IQSEC1: variants seen among roughly 807,000 people sequenced by gnomAD.
The protein encoded by IQSEC1 is IQ motif and SEC7 domain-containing protein 1.
In IQSEC1, 31 loss-of-function variants were observed where a neutral mutation model predicts 91.0. The ratio of observed to expected loss-of-function variants is 0.34; its 90% CI spans 0.26 to 0.46. The LOEUF (loss-of-function observed/expected upper bound fraction) is 0.46, where lower values mean the gene tolerates loss of function less well. Among genes scored for constraint, IQSEC1 ranks in the 20% least tolerant of loss-of-function variants. The pLI is 1.00. For synonymous variants in IQSEC1, 699 were observed against 662.6 expected (o/e 1.05, Z -0.84); for missense variants, 1,388 against 1,575.6 (o/e 0.88, Z 2.02).
chr3:13,030,237 A>G (rs1016724968), intron 1 of IQSEC1, among the ~76,000 whole-genome samples: 1 of 152,160 alleles, frequency 6.6e-6, no homozygotes, highest in Non-Finnish European at 1.5e-5. Flanking sequence ...AGCTGGGATT[A>G]CGGGCATGCA....
In IQSEC1 at chr3:13,206,292, AACAC is replaced by A. The variant is rs574313377; in HGVS notation, c.273-42163_273-42160del. On this transcript the variant is annotated intron_variant, in intron 1 of 15. Transcript: ENST00000648114. Reference sequence around the variant, plus strand: ...ATTTCAGGCATCTACTAGGGGTTGAAACACATCCCCCTTGGATAAGGTGGGGTGG... The same window carrying A: ...ATTTCAGGCATCTACTAGGGGTTGAAATCCCCCTTGGATAAGGTGGGGTGG... Among the ~76,000 whole-genome samples the A allele has an allele frequency of 2.2e-4, 33 of 152,310 alleles. No individual in the cohort carries two copies. In the South Asian group the frequency reaches 6.8e-3, roughly 32 times the overall value.
chr3:13,151,752 G>T (rs1037704009), intron 2 of IQSEC1, among the ~76,000 whole-genome samples: 1 of 152,124 alleles, frequency 6.6e-6, no homozygotes. Flanking sequence ...GATCACCTGA[G>T]GTCAGGAGTT....
upstream of IQSEC1, among the ~76,000 whole-genome samples, chr3:13,078,040 C>T (rs9813525): frequency 0.31 from 47,400 of 152,048 alleles, 7,851 homozygotes; most frequent in East Asian, 0.53. Context: ...GCTGGGGCCG[C>T]GGATGAGTGA....
chr3:12,915,146 G>T lies in IQSEC1; in HGVS notation c.2161-13C>A. Reference sequence around the variant, plus strand: ...GCAGGGATCCGATCTGCGGGAGAATGTGAAACCAACAAAAGGGTGTTCATG... The same window carrying T: ...GCAGGGATCCGATCTGCGGGAGAATTTGAAACCAACAAAAGGGTGTTCATG... On this transcript the variant is annotated splice_polypyrimidine_tract_variant and intron_variant, in intron 7 of 13. Transcript: ENST00000613206. 1 of 1,607,526 alleles carries T rather than the reference G, an allele frequency of 6.2e-7. No individual in the cohort carries two copies. The highest frequency in any genetic ancestry group is 1.1e-5 in the South Asian group (1 of 90,046).
At chr3:12,946,194 C>G (rs1699166709) in intron 1 of IQSEC1, among the ~76,000 whole-genome samples, 1 of 152,230 alleles carries the variant, frequency 6.6e-6, no homozygotes, top group African/African-American at 2.4e-5. Context: ...TCCTATATCC[C>G]TGCCCCGACC....
Position 13,214,615 on chromosome 3 carries a change from G to C in IQSEC1, c.273-50482C>G, listed in dbSNP as rs185468801. Among the ~76,000 whole-genome samples the C allele has an allele frequency of 6.6e-5, 10 of 152,246 alleles. No homozygotes were observed. Among genetic ancestry groups the C allele is most frequent in the Admixed American group, 2.0e-4 (3 of 15,294 alleles). On this transcript the variant is annotated intron_variant, in intron 1 of 15. Transcript: ENST00000648114. The surrounding 1 kb of genome is among the most constrained non-coding windows in gnomAD (Gnocchi z 4.5). ...TAGCAGAAGCCTGTGAGGTGAGGAG[G>C]GGGCACCTCCAGGAATCCACCCTGG... is the stretch of plus-strand genomic sequence containing the variant.
intron 1 of IQSEC1, among the ~76,000 whole-genome samples, chr3:12,959,495 G>A (rs1386139829): frequency 6.6e-6 from 1 of 152,174 alleles, no homozygotes; most frequent in African/African-American, 2.4e-5. Flanking sequence ...GAGGAGTCAC[G>A]GGCCTAGCCT....
At chr3:13,262,240 A>G (rs1695402993) in intron 1 of IQSEC1, among the ~76,000 whole-genome samples, 1 of 152,184 alleles carries the variant, frequency 6.6e-6, no homozygotes, top group South Asian at 2.1e-4. Flanking sequence ...TGCGCTCAAC[A>G]CTTTCCTGTC....
chr3:13,148,464 A>G (rs888926976), intron 2 of IQSEC1, among the ~76,000 whole-genome samples: 2 of 152,260 alleles, frequency 1.3e-5, no homozygotes, highest in African/African-American at 2.4e-5. Flanking sequence ...GGGAGGGTCC[A>G]GAGGCCACGT....
chr3:12,902,719 G>A (rs1250541600), intron 13 of IQSEC1, 54 bp downstream of exon 13: 21 of 1,019,636 alleles, frequency 2.1e-5, no homozygotes, highest in Admixed American at 8.5e-5. Context: ...ATGAACTGAG[G>A]ACTGGGGAAG....
In IQSEC1 at chr3:13,103,351, C is replaced by G. The variant is rs190720620; in HGVS notation, c.303-55829G>C. Among the ~76,000 whole-genome samples, 1 of 152,084 alleles carries G rather than the reference C, an allele frequency of 6.6e-6. No individual in the cohort carries two copies. Among genetic ancestry groups the G allele is most frequent in the African/African-American group, 2.4e-5 (1 of 41,414 alleles). ...AATTAACCGCCCCCGCCAACACACC[C>G]GAGGCACCAATAGATCACCCTCTCC... On this transcript the variant is annotated intron_variant, in intron 2 of 15. Transcript: ENST00000648114. This position sits in a 1 kb window ranked among gnomAD's most constrained non-coding sequence, Gnocchi z 4.1.
chr3:13,199,800 G>A (rs1694205845), intron 1 of IQSEC1, among the ~76,000 whole-genome samples: 1 of 149,664 alleles, frequency 6.7e-6, no homozygotes, highest in Admixed American at 6.7e-5. Context: ...AATGCTGCCA[G>A]GACCCCTGCA....
At chr3:12,920,158 C>T (rs1017818598) in intron 6 of IQSEC1, among the ~76,000 whole-genome samples, 21 of 152,224 alleles carry the variant, frequency 1.4e-4, no homozygotes, top group African/African-American at 3.9e-4. Flanking sequence ...CAAGGACAAG[C>T]TAACAGTGTC....
At chr3:13,025,799 C>T (rs1435213495) in intron 1 of IQSEC1, among the ~76,000 whole-genome samples, 1 of 152,184 alleles carries the variant, frequency 6.6e-6, no homozygotes, top group African/African-American at 2.4e-5. Context: ...TCTCCTATTC[C>T]ACCCACTCTC....
chr3:13,052,059 C>CA (rs1704709947), intron 1 of IQSEC1, among the ~76,000 whole-genome samples: 1 of 152,214 alleles, frequency 6.6e-6, no homozygotes, highest in Admixed American at 6.5e-5. Context: ...CCACAGCCCA[C>CA]TGGGCCTATG....
Position 12,992,368 on chromosome 3 carries a change from C to A in IQSEC1, c.24-50503G>T, listed in dbSNP as rs1045936792. On this transcript the variant is annotated intron_variant, in intron 1 of 13. Transcript: ENST00000613206. This position sits in a 1 kb window ranked among gnomAD's most constrained non-coding sequence, Gnocchi z 4.1. ...GGTGGGGGGTGGGAGGAGATGGCAC[C>A]GCTAAGGCAATTTCTCTTCTTTCCC... Among the ~76,000 whole-genome samples the A allele has an allele frequency of 1.3e-5, 2 of 151,908 alleles. No homozygotes were observed. The highest frequency in any genetic ancestry group is 4.8e-5 in the African/African-American group (2 of 41,406).
At chr3:13,165,742 C>T (rs1693483091) in intron 1 of IQSEC1, among the ~76,000 whole-genome samples, 1 of 151,934 alleles carries the variant, frequency 6.6e-6, no homozygotes, top group Non-Finnish European at 1.5e-5. Flanking sequence ...TTCCACCCCT[C>T]GCTGCTGCAG....
chr3:13,273,542 T>G (rs1347490848), intron 1 of IQSEC1, among the ~76,000 whole-genome samples: 1 of 152,184 alleles, frequency 6.6e-6, no homozygotes, highest in Non-Finnish European at 1.5e-5. Flanking sequence ...CCATCTGAAC[T>G]GGCGATTGTT....
At chr3:13,163,157 C>A (rs532989610) in intron 2 of IQSEC1, among the ~76,000 whole-genome samples, 1 of 152,148 alleles carries the variant, frequency 6.6e-6, no homozygotes, top group African/African-American at 2.4e-5. Context: ...AGATTCAGCA[C>A]CCCCTGTGCT....
Sources: allele counts gnomAD v4.1 joint callset (sites outside exome capture counted in the v4.1 genomes callset), GRCh38; gene constraint gnomAD v4.1.1; non-coding constraint Gnocchi (gnomAD v3.1); transcripts MANE v1.5; gene names NCBI Gene and HGNC (gene_info 2026-07-23, HGNC 2026-07-21).